DIS3L2: variants seen among roughly 807,000 people sequenced by gnomAD.
DIS3L2 encodes the protein DIS3 like 3'-5' exoribonuclease 2.
In DIS3L2, 34 loss-of-function variants were observed where a neutral mutation model predicts 97.5. That is an observed-to-expected ratio of 0.35 (90% CI 0.27 to 0.46). DIS3L2 has a LOEUF of 0.46. DIS3L2 is among the 20% of genes least tolerant of loss of function. The pLI, the probability that DIS3L2 is intolerant of heterozygous loss-of-function variation, is 1.00. For missense variants in DIS3L2, 1,038 were observed against 1,146.0 expected, an observed-to-expected ratio of 0.91 and a Z score of 1.36; for synonymous variants, 435 against 445.2, an observed-to-expected ratio of 0.98 and a Z score of 0.29.
rs751372232 is a variant in DIS3L2, at chr2:232,087,538, G to T, written c.418G>T (p.Asp140Tyr). ...DKETEAAYES[D>Y]IPEELCGHHL... ...AGAAACAGAAGCTGCGTATGAATCA[G>T]ATATCCCCGAGGAGCTCTGTGGACA... The change falls in exon 6 of 21, where the codon GAT (aspartate) becomes TAT (tyrosine). Residue 140 changes from aspartate (D) to tyrosine (Y), a missense_variant. By Grantham distance (160) the Asp-to-Tyr change is radical. Coordinates refer to ENST00000325385, the MANE Select transcript of DIS3L2 (RefSeq NM_152383.5). 1.9e-6 allele frequency: 3 copies of T among 1,613,820 alleles called. No homozygotes were observed. In the Admixed American group the frequency reaches 5.0e-5, roughly 27 times the overall value.
At position 232,208,247 on chromosome 2, in the gene DIS3L2, T is replaced by G. The variant is rs193003097; in HGVS notation, c.1125-2079T>G. ...GCTCTCTGTCTTATCTCTGTTTTCA[T>G]TCCGTTCCGTTCCTCTCCTCTTCTT... On this transcript the variant is annotated intron_variant, in intron 9 of 20. Transcript: ENST00000325385. Among the ~76,000 whole-genome samples the G allele has an allele frequency of 1.5e-3, 226 of 151,468 alleles. 2 individuals are homozygous for G. The highest frequency in any genetic ancestry group is 5.1e-3 in the African/African-American group (212 of 41,498).
chr2:232,084,172 ATCT>A (rs1314989443), intron 5 of DIS3L2, among the ~76,000 whole-genome samples: 1 of 152,178 alleles, frequency 6.6e-6, no homozygotes, highest in Admixed American at 6.5e-5. Context: ...TTTTTGGATG[ATCT>A]TCTTTGGGTC....
At chr2:232,275,267 C>A (rs998612536) in intron 13 of DIS3L2, among the ~76,000 whole-genome samples, 11 of 152,202 alleles carry the variant, frequency 7.2e-5, no homozygotes, top group African/African-American at 2.7e-4. Flanking sequence ...TTTCTTTACT[C>A]CTTTTTATTT....
intron 14 of DIS3L2, among the ~76,000 whole-genome samples, chr2:232,315,464 C>T (rs1053339173): frequency 6.6e-6 from 1 of 152,132 alleles, no homozygotes; most frequent in Admixed American, 6.5e-5. Flanking sequence ...GGCAGGTAAC[C>T]AGATGTGCTT....
intron 13 of DIS3L2, among the ~76,000 whole-genome samples, chr2:232,284,702 G>A (rs868658048): frequency 5.3e-5 from 8 of 152,214 alleles, no homozygotes; most frequent in Middle Eastern, 3.4e-3. Flanking sequence ...CCCATCACCT[G>A]GAATCTCTCC....
chr2:232,011,043 CT>C (rs1694183571), intron 1 of DIS3L2, among the ~76,000 whole-genome samples: 1 of 152,226 alleles, frequency 6.6e-6, no homozygotes, highest in Admixed American at 6.5e-5. Flanking sequence ...GGTCTAGTGC[CT>C]TTTCCCCATT....
At chr2:232,147,285 TTA>T (rs1690244837) in intron 8 of DIS3L2, among the ~76,000 whole-genome samples, 2 of 152,158 alleles carry the variant, frequency 1.3e-5, no homozygotes, top group South Asian at 2.1e-4. Flanking sequence ...AAAATAAACT[TTA>T]TGTTTCAGAA....
At chr2:232,334,033 G>T (rs1695857304) in intron 17 of DIS3L2, 46 bp downstream of exon 17, 1 of 1,571,396 alleles carries the variant, frequency 6.4e-7, no homozygotes, top group East Asian at 2.2e-5. Flanking sequence ...CCAGCTCAGG[G>T]CTGCCCACCC....
chr2:232,141,108 C>T (rs1020604133), intron 8 of DIS3L2, among the ~76,000 whole-genome samples: 2 of 152,130 alleles, frequency 1.3e-5, no homozygotes, highest in African/African-American at 2.4e-5. Context: ...AAGAGCTTCC[C>T]AACCTCTTAA....
intron 1 of DIS3L2, among the ~76,000 whole-genome samples, chr2:232,004,876 C>T (rs958816483): frequency 6.6e-6 from 1 of 152,182 alleles, no homozygotes; most frequent in East Asian, 1.9e-4. Flanking sequence ...GCCACTACAC[C>T]TGGTCTAAAA....
chr2:232,000,173 A>G (rs1349055936), intron 1 of DIS3L2, among the ~76,000 whole-genome samples: 1 of 152,148 alleles, frequency 6.6e-6, no homozygotes, highest in African/African-American at 2.4e-5. Flanking sequence ...TGGTATGAAA[A>G]TTGTTGTTAT....
chr2:232,209,213 G>A (rs147966790), intron 9 of DIS3L2, among the ~76,000 whole-genome samples: 16 of 152,152 alleles, frequency 1.1e-4, no homozygotes, highest in East Asian at 3.9e-4. Context: ...GTTAAGAGTC[G>A]GATAGAGAAA....
rs35247478 is a variant in DIS3L2 at position 232,000,725 on chromosome 2, CTTTT to C, written c.-93-14093_-93-14090del. ...CTTTCCTTCTTTCTTTCTTCTTCTT[CTTTT>C]TTTTTTTTTTTTTTTTAAGAGACTG... On this transcript the variant is annotated intron_variant, in intron 1 of 20. Coordinates refer to ENST00000325385, the MANE Select transcript of DIS3L2 (RefSeq NM_152383.5). 2.3e-4 allele frequency among the ~76,000 whole-genome samples: 21 copies of C among 91,142 alleles called. No individual in the cohort carries two copies. In the South Asian group the frequency reaches 7.6e-3, roughly 33 times the overall value. 59.8% of individuals were successfully genotyped at this position (91,142 alleles called of 152,430 possible). A position where few individuals can be genotyped will look rare whatever the true frequency, so the allele number is the denominator to read the frequency against.
intron 9 of DIS3L2, among the ~76,000 whole-genome samples, chr2:232,184,396 C>T (rs1178934739): frequency 6.6e-6 from 1 of 152,162 alleles, no homozygotes; most frequent in Admixed American, 6.5e-5. Flanking sequence ...CCTGTAATCC[C>T]AGTACTTTGG....
intron 5 of DIS3L2, among the ~76,000 whole-genome samples, chr2:232,070,150 G>A (rs1161264427): frequency 6.6e-6 from 1 of 152,184 alleles, no homozygotes; most frequent in Admixed American, 6.5e-5. Flanking sequence ...CTCTGTTCAA[G>A]TAGAAATCCA....
rs564372654 is a variant in DIS3L2, at chr2:232,245,285, C to T, written c.1318-3954C>T. Among the ~76,000 whole-genome samples the T allele has an allele frequency of 5.9e-5, 9 of 152,288 alleles. No homozygotes were observed. In the South Asian group the frequency reaches 8.3e-4, roughly 14 times the overall value. On this transcript the variant is annotated intron_variant, in intron 11 of 20. Transcript: ENST00000325385. Reference sequence around the variant, plus strand: ...GCTGACCTGGGTGCATGGACTGTTGCGCCATGGTCCAGGTGGGTCTCCCCC... The same window carrying T: ...GCTGACCTGGGTGCATGGACTGTTGTGCCATGGTCCAGGTGGGTCTCCCCC...
At chr2:232,131,060 T>A (rs1427428700) in intron 7 of DIS3L2, 2 of 224,126 alleles carry the variant, frequency 8.9e-6, no homozygotes, top group African/African-American at 4.5e-5. Context: ...GCAGTATGAA[T>A]ATAGACTCTC....
At chr2:232,212,666 G>A (rs191407766) in intron 10 of DIS3L2, among the ~76,000 whole-genome samples, 45 of 152,342 alleles carry the variant, frequency 3.0e-4, no homozygotes, top group Non-Finnish European at 3.8e-4. Context: ...TGTTCAGCAA[G>A]AGAGCATTCA....
At chr2:232,127,890 C>G (rs1698109774) in intron 6 of DIS3L2, among the ~76,000 whole-genome samples, 1 of 152,146 alleles carries the variant, frequency 6.6e-6, no homozygotes, top group Non-Finnish European at 1.5e-5. Flanking sequence ...GATCTCTAAT[C>G]TAAATCATAT....
Sources: gnomAD v4.1 joint callset for allele counts (sites outside exome capture counted in the v4.1 genomes callset) on GRCh38, gnomAD v4.1.1 for gene constraint, MANE v1.5 for transcripts, NCBI Gene and HGNC (gene_info 2026-07-23, HGNC 2026-07-21) for gene names.